The following SLC25A26 variants were observed in gnomAD, a reference collection of about 807,000 sequenced individuals.
SLC25A26 encodes solute carrier family 25 member 26.
In SLC25A26, 36 loss-of-function variants were observed where a neutral mutation model predicts 37.8. The observed-to-expected ratio is 0.95, with a 90% CI of 0.73 to 1.26. SLC25A26 has a LOEUF of 1.26. SLC25A26 is among the 50% of genes most tolerant of loss of function. The probability of loss-of-function intolerance (pLI) is 0.00; values close to 1 mark genes in which losing one functional copy is unlikely to be tolerated. For synonymous variants in SLC25A26, 129 were observed against 122.5 expected (o/e 1.05, Z -0.35); for missense variants, 390 against 331.1 (o/e 1.18, Z -1.38).
chr3:66,240,130 A>G (rs2072501169), intron 2 of SLC25A26, among the ~76,000 whole-genome samples: 1 of 152,318 alleles, frequency 6.6e-6, no homozygotes, highest in East Asian at 1.9e-4. Context: ...TATTGCGGCC[A>G]TGAACTGCTC....
intron 5 of SLC25A26, among the ~76,000 whole-genome samples, chr3:66,273,932 G>A (rs1322673228): frequency 2.6e-5 from 4 of 151,958 alleles, no homozygotes; most frequent in Middle Eastern, 3.2e-3. Context: ...AAAAGAGCCC[G>A]CATCGCCAAG....
chr3:66,136,993 A>T (rs935790599), intron 1 of SLC25A26, among the ~76,000 whole-genome samples: 3 of 152,090 alleles, frequency 2.0e-5, no homozygotes, highest in Non-Finnish European at 2.9e-5. Flanking sequence ...TTTATTGAAA[A>T]TAATTCTGAT....
At chr3:66,361,993 G>T (rs2076718872) in intron 6 of SLC25A26, among the ~76,000 whole-genome samples, 1 of 152,000 alleles carries the variant, frequency 6.6e-6, no homozygotes. Flanking sequence ...AAGAAAGAAA[G>T]AAAGAAATAC....
intron 5 of SLC25A26, among the ~76,000 whole-genome samples, chr3:66,320,162 G>A (rs905294826): frequency 6.6e-6 from 1 of 152,010 alleles, no homozygotes; most frequent in Non-Finnish European, 1.5e-5. Context: ...GTGCCTAATA[G>A]CATTAATTAC....
chr3:66,305,429 G>A lies in SLC25A26; in HGVS notation c.454-40935G>A, dbSNP rs998651503. The stretch of plus-strand genomic sequence containing the variant: ...AACAGATATCAAATTTTTTATATTA[G>A]GGATTGAAGGACTTTTATTTATTTA... On this transcript the variant is annotated intron_variant, in intron 5 of 9. Transcript: ENST00000354883. 3.3e-5 allele frequency among the ~76,000 whole-genome samples: 5 copies of A among 152,104 alleles called. No individual in the cohort carries two copies. In the East Asian group the frequency reaches 5.8e-4, roughly 18 times the overall value.
chr3:66,250,391 G>A (rs1198760851), intron 3 of SLC25A26, among the ~76,000 whole-genome samples: 2 of 152,158 alleles, frequency 1.3e-5, no homozygotes, highest in Non-Finnish European at 1.5e-5. Context: ...AACTATAGAC[G>A]GTCCGTGACT....
Position 66,140,499 on chromosome 3 carries a change from C to T in SLC25A26, c.-354+6515C>T, listed in dbSNP as rs186307275. Among the ~76,000 whole-genome samples, 78 of 152,252 alleles carry T rather than the reference C, an allele frequency of 5.1e-4. No homozygotes were observed. The South Asian group carries it at 6.2e-3, about 12-fold the overall frequency. The stretch of plus-strand genomic sequence containing the variant: ...GGGATTTCTAATCCTTCAACCAGTG[C>T]ACTTCAGAAAGGATCATTCACTAGA... On this transcript the variant is annotated intron_variant, in intron 1 of 10. Transcript: ENST00000676754.
chr3:66,211,529 C>T (rs973556535), intron 1 of SLC25A26, among the ~76,000 whole-genome samples: 2 of 152,098 alleles, frequency 1.3e-5, no homozygotes, highest in Non-Finnish European at 2.9e-5. Context: ...ATTGCTGCCT[C>T]CCCCGGTCTT....
At chr3:66,299,881 TCA>T (rs1471483621) in intron 5 of SLC25A26, among the ~76,000 whole-genome samples, 1 of 152,222 alleles carries the variant, frequency 6.6e-6, no homozygotes, top group Admixed American at 6.5e-5. Context: ...TACTGCTTTT[TCA>T]CATTTTATGG....
chr3:66,257,573 A>G (rs961182934), intron 3 of SLC25A26, among the ~76,000 whole-genome samples: 1 of 152,114 alleles, frequency 6.6e-6, no homozygotes, highest in Non-Finnish European at 1.5e-5. Context: ...ACGGAGAGTC[A>G]TGGGCTCGGG....
At chr3:66,344,525 C>G (rs2076277389) in intron 5 of SLC25A26, among the ~76,000 whole-genome samples, 2 of 152,068 alleles carry the variant, frequency 1.3e-5, no homozygotes, top group South Asian at 4.1e-4. Context: ...ATTAATTCCT[C>G]TGAAACTGGG....
At chr3:66,234,754 A>T (rs1041912443) in intron 1 of SLC25A26, among the ~76,000 whole-genome samples, 2 of 152,190 alleles carry the variant, frequency 1.3e-5, no homozygotes, top group African/African-American at 2.4e-5. Flanking sequence ...ACATTTTGTA[A>T]ACTCGAAGGA....
At chr3:66,211,306 T>C (rs2071281303) in intron 1 of SLC25A26, among the ~76,000 whole-genome samples, 1 of 152,138 alleles carries the variant, frequency 6.6e-6, no homozygotes, top group Admixed American at 6.6e-5. Flanking sequence ...CTGCTGTTTG[T>C]TTGACAGAAG....
chr3:66,262,316 T>A (rs2073562643), intron 4 of SLC25A26, among the ~76,000 whole-genome samples, 161 bp downstream of exon 4: 1 of 152,250 alleles, frequency 6.6e-6, no homozygotes, highest in Non-Finnish European at 1.5e-5. Flanking sequence ...TGCCTTTTAT[T>A]GGTTTTTGAA....
At chr3:66,351,594 A>G (rs547284826) in intron 6 of SLC25A26, among the ~76,000 whole-genome samples, 1 of 152,092 alleles carries the variant, frequency 6.6e-6, no homozygotes, top group Admixed American at 6.6e-5. Context: ...TCTGAGTGGC[A>G]GCCTCAGATC....
At chr3:66,307,300 C>G (rs1300452713) in intron 5 of SLC25A26, among the ~76,000 whole-genome samples, 1 of 152,190 alleles carries the variant, frequency 6.6e-6, no homozygotes, top group African/African-American at 2.4e-5. Flanking sequence ...GCATAAATGT[C>G]TTCTTTTGAG....
intron 1 of SLC25A26, among the ~76,000 whole-genome samples, chr3:66,188,194 A>G (rs1443562860): frequency 1.3e-5 from 2 of 152,008 alleles, no homozygotes; most frequent in Non-Finnish European, 2.9e-5. Flanking sequence ...CCCTACCTTC[A>G]TCCTGACTTT....
At chr3:66,241,360 A>G (rs2072576397) in intron 2 of SLC25A26, among the ~76,000 whole-genome samples, 2 of 152,198 alleles carry the variant, frequency 1.3e-5, no homozygotes, top group Admixed American at 1.3e-4. Flanking sequence ...AACATGTCAC[A>G]AAGTCCCTAT....
At chr3:66,352,144 G>A (rs1243238439) in intron 6 of SLC25A26, among the ~76,000 whole-genome samples, 1 of 152,162 alleles carries the variant, frequency 6.6e-6, no homozygotes, top group Non-Finnish European at 1.5e-5. Context: ...AACTATGTGG[G>A]AGGCTGAGGT....
Sources: gnomAD v4.1 joint callset for allele counts (sites outside exome capture counted in the v4.1 genomes callset) on GRCh38, gnomAD v4.1.1 for gene constraint, MANE v1.5 for transcripts, NCBI Gene and HGNC (gene_info 2026-07-23, HGNC 2026-07-21) for gene names.